The following PCDHA5 variants were observed in gnomAD, a reference collection of about 807,000 sequenced individuals.
PCDHA5 encodes protocadherin alpha 5.
In PCDHA5, 43 loss-of-function variants were observed where a neutral mutation model predicts 61.6. That is an observed-to-expected ratio of 0.70 (90% CI 0.55 to 0.90). The LOEUF (loss-of-function observed/expected upper bound fraction) is 0.90, where lower values mean the gene tolerates loss of function less well. Ranked by LOEUF, PCDHA5 falls within the 40% of genes least tolerant of loss-of-function variation. The pLI is 0.00. For synonymous variants in PCDHA5, 627 were observed against 543.9 expected (o/e 1.15, Z -2.13); for missense variants, 1,298 against 1,222.7 (o/e 1.06, Z -0.92).
chr5:140,869,677 C>T, intron 1 of PCDHA5: 1 of 1,613,420 alleles, frequency 6.2e-7, no homozygotes, highest in Non-Finnish European at 8.5e-7. Flanking sequence ...GATTAAAAGA[C>T]TGTCACTTAT....
intron 1 of PCDHA5, chr5:140,834,486 G>A: frequency 6.2e-7 from 1 of 1,614,160 alleles, no homozygotes; most frequent in Non-Finnish European, 8.5e-7. Context: ...CCACTACTCG[G>A]TCCCCGAGGA....
At chr5:140,889,159 A>G (rs1392016642) in intron 1 of PCDHA5, among the ~76,000 whole-genome samples, 1 of 151,652 alleles carries the variant, frequency 6.6e-6, no homozygotes, top group Non-Finnish European at 1.5e-5. Context: ...CTTCTTTGTT[A>G]AGTATTCAAG....
intron 1 of PCDHA5, among the ~76,000 whole-genome samples, chr5:140,892,670 A>G (rs35160890): frequency 0.3 from 45,256 of 152,112 alleles, 7,290 homozygotes; most frequent in East Asian, 0.53. Context: ...ATTTTGATAC[A>G]TATATACAAT....
intron 1 of PCDHA5, chr5:140,870,490 G>A (rs372818492): frequency 7.8e-5 from 126 of 1,614,116 alleles, no homozygotes; most frequent in Non-Finnish European, 1.1e-4. Context: ...CACCGTGTTC[G>A]TGAAGGAGAA....
Position 140,850,285 on chromosome 5 carries a change from T to C in PCDHA5, c.2352+26158T>C. 3.8e-6 allele frequency: 6 copies of C among 1,595,604 alleles called. 1 individual carries two copies. The highest frequency in any genetic ancestry group is 4.5e-5 in the East Asian group (2 of 44,810). On this transcript the variant is annotated intron_variant, in intron 1 of 3. Coordinates refer to ENST00000529859, the MANE Select transcript of PCDHA5 (RefSeq NM_018908.3). ...GTAGTGGTGGGGAAGGTGCGCGCAG[T>C]GGACGCCGACTCGGGCTACAACGCG...
Position 140,821,857 on chromosome 5 carries a change from G to A in PCDHA5, c.82G>A (p.Gly28Ser). 6.2e-7 allele frequency: 1 copy of A among 1,614,186 alleles called. No homozygotes were observed. The highest frequency in any genetic ancestry group is 1.1e-5 in the South Asian group (1 of 91,088). ...CCTTGCCTACTGGAAGGCAGGGAGCGGCCAGCTCCACTACTCGATCCCGGA... is the reference window on the plus strand; with the variant it reads ...CCTTGCCTACTGGAAGGCAGGGAGCAGCCAGCTCCACTACTCGATCCCGGA... ...LLLAYWKAGS[G>S]QLHYSIPEEA... Residue 28 changes from glycine (G) to serine (S), a missense_variant, in exon 1 of 4, where the codon GGC becomes AGC. By Grantham distance (56) the Gly-to-Ser change is moderately conservative. Transcript: ENST00000529859.
intron 1 of PCDHA5, among the ~76,000 whole-genome samples, chr5:140,918,655 T>C (rs1248144760): frequency 6.6e-6 from 1 of 152,218 alleles, no homozygotes; most frequent in Non-Finnish European, 1.5e-5. Context: ...CTAATTCTCA[T>C]GTTGATGGTA....
At chr5:140,852,575 C>CT (rs1395261617) in intron 1 of PCDHA5, 11 of 798,920 alleles carry the variant, frequency 1.4e-5, no homozygotes, top group Non-Finnish European at 1.7e-5. Context: ...TGTGCCAAGG[C>CT]TTTTTTATTT....
chr5:140,857,789 C>T lies in PCDHA5; in HGVS notation c.2352+33662C>T, dbSNP rs576562662. Reference sequence around the variant, plus strand: ...GGGCGGTGCAGTCAGTGAGCTGGTGCTGCGGTCGGTGGTTGCGGGTCACGT... The same window carrying T: ...GGGCGGTGCAGTCAGTGAGCTGGTGTTGCGGTCGGTGGTTGCGGGTCACGT... On this transcript the variant is annotated intron_variant, in intron 1 of 3. Transcript: ENST00000529859. 7.5e-6 allele frequency: 12 copies of T among 1,597,704 alleles called. No homozygotes were observed. In the African/African-American group the frequency reaches 1.5e-4, roughly 20 times the overall value.
intron 3 of PCDHA5, among the ~76,000 whole-genome samples, chr5:141,007,033 T>C (rs1357363669): frequency 6.6e-6 from 1 of 152,120 alleles, no homozygotes; most frequent in Non-Finnish European, 1.5e-5. Flanking sequence ...GGTATTTATA[T>C]CTATGGATAT....
chr5:140,886,129 A>G (rs1428853250), intron 1 of PCDHA5, among the ~76,000 whole-genome samples: 1 of 152,224 alleles, frequency 6.6e-6, no homozygotes, highest in Non-Finnish European at 1.5e-5. Flanking sequence ...TTCCGTAACA[A>G]CCAGATTCTT....
intron 1 of PCDHA5, among the ~76,000 whole-genome samples, chr5:140,952,912 C>A (rs1554220675): frequency 6.6e-6 from 1 of 152,042 alleles, no homozygotes; most frequent in East Asian, 1.9e-4. Flanking sequence ...GCTCATCTTA[C>A]ATGGCATGAG....
At chr5:140,850,178 T>C (rs1266429053) in intron 1 of PCDHA5, 11 of 1,592,662 alleles carry the variant, frequency 6.9e-6, no homozygotes, top group East Asian at 6.8e-5. Flanking sequence ...AGAACGACAA[T>C]GCGCCGGCGC....
chr5:140,929,234 G>A (rs781843995), intron 1 of PCDHA5: 1 of 1,613,838 alleles, frequency 6.2e-7, no homozygotes, highest in Non-Finnish European at 8.5e-7. Flanking sequence ...GCCGACCTGC[G>A]AAATCTTGCC....
chr5:140,883,731 C>A, intron 1 of PCDHA5: 1 of 1,613,446 alleles, frequency 6.2e-7, no homozygotes, highest in Non-Finnish European at 8.5e-7. Flanking sequence ...CAGGAGAACG[C>A]GCTGGTCTCC....
chr5:140,898,153 G>C (rs1379342887), intron 1 of PCDHA5, among the ~76,000 whole-genome samples: 3 of 152,182 alleles, frequency 2.0e-5, no homozygotes, highest in South Asian at 2.1e-4. Context: ...TGTTCACGCT[G>C]ATGGTGGTTT....
At chr5:140,997,572 G>T (rs1457109655) in intron 3 of PCDHA5, among the ~76,000 whole-genome samples, 1 of 152,068 alleles carries the variant, frequency 6.6e-6, no homozygotes, top group Non-Finnish European at 1.5e-5. Context: ...CATATGTGTG[G>T]TCCGTTGTTG....
Position 140,831,498 on chromosome 5 carries a change from C to A in PCDHA5, c.2352+7371C>A, listed in dbSNP as rs2150195161. Among the ~76,000 whole-genome samples the A allele has an allele frequency of 1.9e-3, 206 of 108,418 alleles. 1 individual carries two copies. Among genetic ancestry groups the A allele is most frequent in the Non-Finnish European group, 1.4e-3 (75 of 52,794 alleles). The allele number at this position is 108,418 out of a possible 152,430, so 71.1% of individuals were successfully genotyped here. ...CCTCAGCCTCTGGAGTTACTACACACGAGCACCACCATGCCCCCCACCTTT... is the reference window on the plus strand; with the variant it reads ...CCTCAGCCTCTGGAGTTACTACACAAGAGCACCACCATGCCCCCCACCTTT... On this transcript the variant is annotated intron_variant, in intron 1 of 3. Transcript: ENST00000529859.
At chr5:141,004,188 TA>T (rs1391411358) in intron 3 of PCDHA5, among the ~76,000 whole-genome samples, 5 of 152,260 alleles carry the variant, frequency 3.3e-5, no homozygotes, top group African/African-American at 1.2e-4. Flanking sequence ...TGAGTGCTCT[TA>T]ACCAAAAGGA....
Sources: allele counts gnomAD v4.1 joint callset (sites outside exome capture counted in the v4.1 genomes callset), GRCh38; gene constraint gnomAD v4.1.1; transcripts MANE v1.5; gene names NCBI Gene and HGNC (gene_info 2026-07-23, HGNC 2026-07-21).